PLD5: variants seen among roughly 807,000 people sequenced by gnomAD.
PLD5 encodes the protein phospholipase D family member 5, also known as inactive phospholipase D5.
In PLD5, 36 loss-of-function variants were observed where a neutral mutation model predicts 61.1. That is an observed-to-expected ratio of 0.59 (90% confidence interval 0.45 to 0.78). The LOEUF (loss-of-function observed/expected upper bound fraction) is 0.78. PLD5 is among the 30% of genes least tolerant of loss of function. PLD5 has a pLI of 0.00. For synonymous variants in PLD5, 243 were observed against 242.8 expected (o/e 1.00, Z -0.01); for missense variants, 515 against 644.4 (o/e 0.80, Z 2.17).
intron 1 of PLD5, among the ~76,000 whole-genome samples, chr1:242,494,056 T>C (rs6704524): frequency 7.6e-6 from 1 of 130,750 alleles, no homozygotes; most frequent in Admixed American, 7.6e-5. Context: ...ATGCTTCATG[T>C]TTCCCTTCCC....
Position 242,363,007 on chromosome 1 carries a change from G to A in PLD5, c.190-14765C>T, listed in dbSNP as rs533857532. 3.3e-5 allele frequency among the ~76,000 whole-genome samples: 5 copies of A among 152,238 alleles called. 1 individual carries two copies. The South Asian group carries it at 1.0e-3, about 32-fold the overall frequency. ...TCCCTAAGTTGAGGAGAAAGACTCGGGATTTTAGAAAGGCTAGAGTTGGCA... is the reference window on the plus strand; with the variant it reads ...TCCCTAAGTTGAGGAGAAAGACTCGAGATTTTAGAAAGGCTAGAGTTGGCA... On this transcript the variant is annotated intron_variant, in intron 1 of 9. Coordinates refer to ENST00000536534, the MANE Select transcript of PLD5 (RefSeq NM_001372062.1).
At chr1:242,516,277 T>TAC (rs1553271891) in intron 1 of PLD5, among the ~76,000 whole-genome samples, 2 of 64,430 alleles carry the variant, frequency 3.1e-5, no homozygotes, top group South Asian at 3.7e-4. Flanking sequence ...TATATATATA[T>TAC]ATACATATTC....
intron 2 of PLD5, among the ~76,000 whole-genome samples, chr1:242,323,366 T>G (rs1658544256): frequency 6.6e-6 from 1 of 152,170 alleles, no homozygotes; most frequent in Non-Finnish European, 1.5e-5. Flanking sequence ...GGTAACTGTT[T>G]TTTTTGTAGT....
intron 3 of PLD5, among the ~76,000 whole-genome samples, chr1:242,284,752 C>T (rs2083333): frequency 6.6e-6 from 1 of 152,150 alleles, no homozygotes; most frequent in Admixed American, 6.5e-5. Flanking sequence ...GAGAACCCTC[C>T]GAACATCATT....
intron 1 of PLD5, among the ~76,000 whole-genome samples, chr1:242,508,777 C>A (rs1668810589): frequency 6.6e-6 from 1 of 152,044 alleles, no homozygotes; most frequent in African/African-American, 2.4e-5. Flanking sequence ...AATAATAAGA[C>A]AACTATCTAA....
chr1:242,522,734 C>A (rs1669318662), intron 1 of PLD5, among the ~76,000 whole-genome samples: 1 of 152,196 alleles, frequency 6.6e-6, no homozygotes, highest in African/African-American at 2.4e-5. Context: ...TTCACTAATT[C>A]TGGAGAGGGC....
intron 1 of PLD5, among the ~76,000 whole-genome samples, chr1:242,352,082 C>T (rs1660509133): frequency 6.6e-6 from 1 of 152,186 alleles, no homozygotes; most frequent in Admixed American, 6.5e-5. Context: ...GCTATACTCT[C>T]TTAATGATAC....
At chr1:242,234,396 G>A (rs1671505405) in intron 4 of PLD5, among the ~76,000 whole-genome samples, 1 of 152,138 alleles carries the variant, frequency 6.6e-6, no homozygotes, top group African/African-American at 2.4e-5. Flanking sequence ...CCAAACCCCT[G>A]CTGCAGGACA....
At position 242,508,209 on chromosome 1, in the gene PLD5, C is replaced by CAA. The variant is rs11458705; in HGVS notation, c.189+15877_189+15878dup. Among the ~76,000 whole-genome samples the CAA allele has an allele frequency of 4.1e-3, 561 of 137,676 alleles. 3 individuals are homozygous for CAA. Among genetic ancestry groups the CAA allele is most frequent in the African/African-American group, 9.6e-3 (362 of 37,666 alleles). 90.3% of individuals were successfully genotyped at this position (137,676 alleles called of 152,430 possible). ...TGAAACCCTGTCTCCACTAAAAATA[C>CAA]AAAAAAAAAAAAAATTAGCTGGGCA... On this transcript the variant is annotated intron_variant, in intron 1 of 9. Coordinates refer to ENST00000536534, the MANE Select transcript of PLD5 (RefSeq NM_001372062.1).
intron 1 of PLD5, among the ~76,000 whole-genome samples, chr1:242,418,727 C>T (rs950755804): frequency 1.4e-4 from 21 of 152,148 alleles, no homozygotes; most frequent in African/African-American, 4.8e-4. Flanking sequence ...ATTTCATCAC[C>T]GAATTGAGCA....
intron 1 of PLD5, among the ~76,000 whole-genome samples, chr1:242,373,139 T>G (rs1205791994): frequency 1.3e-5 from 2 of 151,938 alleles, no homozygotes; most frequent in Admixed American, 1.3e-4. Context: ...GAAGGACAGT[T>G]TTTGATGAAC....
At chr1:242,307,350 G>A (rs1676433751) in intron 2 of PLD5, among the ~76,000 whole-genome samples, 1 of 53,924 alleles carries the variant, frequency 1.9e-5, no homozygotes, top group Admixed American at 2.4e-4. Flanking sequence ...GATGATGACG[G>A]TGATGATGAT....
chr1:242,439,477 T>C (rs993610920), intron 1 of PLD5, among the ~76,000 whole-genome samples: 1 of 152,136 alleles, frequency 6.6e-6, no homozygotes, highest in African/African-American at 2.4e-5. Flanking sequence ...TCTCAGGCAC[T>C]AGCGGGAAAA....
intron 1 of PLD5, among the ~76,000 whole-genome samples, chr1:242,505,693 G>A (rs1218125505): frequency 6.6e-6 from 1 of 152,194 alleles, no homozygotes; most frequent in Admixed American, 6.5e-5. Flanking sequence ...TAGCATCATT[G>A]GTCCTCAGGA....
chr1:242,113,745 T>C, intron 7 of PLD5, 145 bp downstream of exon 7: 3 of 1,005,230 alleles, frequency 3.0e-6, no homozygotes, highest in Non-Finnish European at 4.1e-6. Flanking sequence ...AAATTGCCAA[T>C]GCATGTTAAA....
chr1:242,304,177 C>G (rs1297666325), intron 2 of PLD5, among the ~76,000 whole-genome samples: 1 of 152,200 alleles, frequency 6.6e-6, no homozygotes. Context: ...ATTAAAGCTG[C>G]CATTACCTCC....
intron 3 of PLD5, among the ~76,000 whole-genome samples, chr1:242,285,085 G>GT: frequency 6.6e-6 from 1 of 152,340 alleles, no homozygotes; most frequent in South Asian, 2.1e-4. Context: ...AAGCTTGCCT[G>GT]TGAGTTCAAC....
intron 5 of PLD5, among the ~76,000 whole-genome samples, chr1:242,182,596 A>C (rs1667588463): frequency 6.6e-6 from 1 of 152,170 alleles, no homozygotes; most frequent in Admixed American, 6.5e-5. Context: ...TAATTCCAGC[A>C]CTTTGGGAGG....
chr1:242,361,369 T>G (rs867873357), intron 1 of PLD5, among the ~76,000 whole-genome samples: 1 of 152,246 alleles, frequency 6.6e-6, no homozygotes. Context: ...AGTGAAAGCT[T>G]ACGTTCAAAT....
Sources: gnomAD v4.1 joint callset for allele counts (sites outside exome capture counted in the v4.1 genomes callset) on GRCh38, gnomAD v4.1.1 for gene constraint, MANE v1.5 for transcripts, NCBI Gene and HGNC (gene_info 2026-07-23, HGNC 2026-07-21) for gene names.